The following REV1 variants were observed in gnomAD, a reference collection of about 807,000 sequenced individuals.
The protein encoded by REV1 is translesion synthesis protein REV1.
A neutral mutation model predicts 137.4 loss-of-function variants in REV1; 42 were observed. The observed-to-expected ratio is 0.31, with a 90% confidence interval of 0.24 to 0.40. The LOEUF is 0.40. Ranked by LOEUF, REV1 falls within the 10% of genes least tolerant of loss-of-function variation. REV1 has a pLI of 1.00. For synonymous variants in REV1, 524 were observed against 519.2 expected (o/e 1.01, Z -0.12); for missense variants, 1,282 against 1,490.1 (o/e 0.86, Z 2.30).
intron 1 of REV1, among the ~76,000 whole-genome samples, chr2:99,477,323 T>C (rs562611419): frequency 5.3e-4 from 80 of 152,300 alleles, no homozygotes; most frequent in African/African-American, 1.7e-3. Flanking sequence ...AGCTGTTTAC[T>C]TCTTTTTCTG....
chr2:99,402,159 C>T (rs1239532923), intron 22 of REV1, 85 bp downstream of exon 22: 3 of 629,902 alleles, frequency 4.8e-6, no homozygotes, highest in Non-Finnish European at 5.6e-6. Context: ...GTACAGTTTC[C>T]CAGAAAGTTT....
intron 5 of REV1, among the ~76,000 whole-genome samples, chr2:99,439,809 G>A (rs1183489090): frequency 1.3e-5 from 2 of 152,008 alleles, no homozygotes; most frequent in Non-Finnish European, 2.9e-5. Context: ...TCATAAAAAT[G>A]GATTTAAAAA....
chr2:99,482,075 G>C (rs200032636), intron 1 of REV1, among the ~76,000 whole-genome samples: 1 of 152,198 alleles, frequency 6.6e-6, no homozygotes, highest in Non-Finnish European at 1.5e-5. Flanking sequence ...CATGTGAATA[G>C]TGGGTTGGGC....
chr2:99,473,861 T>C (rs967177345), intron 1 of REV1, among the ~76,000 whole-genome samples: 2 of 152,244 alleles, frequency 1.3e-5, no homozygotes, highest in African/African-American at 4.8e-5. Context: ...CATCTTTTCT[T>C]GGGACATTCT....
upstream of REV1, chr2:99,490,159 G>C (rs1329241027): frequency 6.6e-6 from 1 of 150,544 alleles, no homozygotes; most frequent in Non-Finnish European, 1.5e-5. Flanking sequence ...CCCAGCCTCG[G>C]GCGTAGCACC....
intron 11 of REV1, among the ~76,000 whole-genome samples, 169 bp from the exon 12 acceptor site, chr2:99,419,116 C>G (rs1334037884): frequency 6.6e-6 from 1 of 151,822 alleles, no homozygotes; most frequent in African/African-American, 2.4e-5. Flanking sequence ...TTATAACCAA[C>G]AGAGTACCTG....
chr2:99,416,773 C>G (rs2104534240), intron 12 of REV1, among the ~76,000 whole-genome samples: 1 of 151,682 alleles, frequency 6.6e-6, no homozygotes, highest in Non-Finnish European at 1.5e-5. Flanking sequence ...AATTAGCCGG[C>G]TGTGTGGTGG....
intron 12 of REV1, among the ~76,000 whole-genome samples, chr2:99,416,932 AAG>A (rs1677963351): frequency 1.4e-5 from 2 of 146,744 alleles, no homozygotes; most frequent in African/African-American, 2.5e-5. Context: ...AAAAAAAAAA[AAG>A]AAATAAAGTC....
At chr2:99,420,340 A>G (rs1678494225) in intron 11 of REV1, among the ~76,000 whole-genome samples, 1 of 152,156 alleles carries the variant, frequency 6.6e-6, no homozygotes, top group African/African-American at 2.4e-5. Flanking sequence ...CTGGAAGCAC[A>G]CTTGTCATAT....
intron 4 of REV1, among the ~76,000 whole-genome samples, chr2:99,445,775 T>G (rs977289677): frequency 4.6e-5 from 7 of 152,198 alleles, no homozygotes; most frequent in African/African-American, 1.4e-4. Context: ...CATGAAAGGA[T>G]TCCCTTGCCT....
intron 1 of REV1, among the ~76,000 whole-genome samples, chr2:99,478,361 A>G (rs1308108084): frequency 1.3e-5 from 2 of 152,210 alleles, no homozygotes; most frequent in Non-Finnish European, 2.9e-5. Flanking sequence ...ACATGGCCCA[A>G]TTGCATTTAT....
At chr2:99,410,407 G>A (rs1030895923) in intron 14 of REV1, among the ~76,000 whole-genome samples, 1 of 152,152 alleles carries the variant, frequency 6.6e-6, no homozygotes, top group East Asian at 1.9e-4. Context: ...CTGCAGCCTT[G>A]CCCTTTCTTT....
intron 4 of REV1, among the ~76,000 whole-genome samples, chr2:99,448,355 C>T (rs1421729339): frequency 6.6e-6 from 1 of 152,052 alleles, no homozygotes; most frequent in Non-Finnish European, 1.5e-5. Flanking sequence ...GTATTACATA[C>T]CTCATGTCAT....
chr2:99,441,202 A>C (rs377331291), intron 5 of REV1, among the ~76,000 whole-genome samples: 143 of 152,340 alleles, frequency 9.4e-4, no homozygotes, highest in African/African-American at 3.3e-3. Flanking sequence ...AGCTACAGGT[A>C]ACATGAAAAA....
chr2:99,403,014 G>A lies in REV1; in HGVS notation c.3259C>T (p.Gln1087Ter). 6.2e-7 allele frequency: 1 copy of A among 1,614,140 alleles called. No individual in the cohort carries two copies. Among genetic ancestry groups the A allele is most frequent in the Non-Finnish European group, 8.5e-7 (1 of 1,179,990 alleles). ...AGCAGCTTGTTATTCAAAGGACTCT[G>A]AATCCTTTTTGGTGAACCAATGGTT... ...KKTIGSPKRIQSPLNNKLLNS... is the reference protein window; with the variant it reads ...KKTIGSPKRI The change falls in exon 20 of 23, where the codon CAG (glutamine) becomes TAG (stop). Residue 1087 changes from glutamine (Q) to a stop codon, truncating the protein, a stop_gained. Coordinates refer to ENST00000258428, the MANE Select transcript of REV1 (RefSeq NM_016316.4). LOFTEE classifies it high-confidence loss of function.
chr2:99,456,955 T>C (rs1008717724), intron 3 of REV1, among the ~76,000 whole-genome samples: 6 of 152,186 alleles, frequency 3.9e-5, no homozygotes, highest in African/African-American at 1.4e-4. Flanking sequence ...AGGTTGAAAA[T>C]GTAGGTCAGA....
intron 3 of REV1, among the ~76,000 whole-genome samples, chr2:99,452,751 C>T (rs929572894): frequency 6.6e-6 from 1 of 152,190 alleles, no homozygotes; most frequent in Non-Finnish European, 1.5e-5. Flanking sequence ...CAGACTCCTG[C>T]CTAGAATCCA....
rs28382972 is a variant in REV1, at chr2:99,402,928, C to A, written c.3345G>T (p.Gly1115=). ...CAGGAGGTCCTTCATGTTTTAGAAA[C>A]CCATCAATTAACTTCTGGGGACTGC... ...ACGSPQKLID[G]FLKHEGPPAE... Residue 1115 remains glycine, a synonymous_variant, in exon 20 of 23, where the codon GGG becomes GGT. Coordinates refer to ENST00000258428, the MANE Select transcript of REV1 (RefSeq NM_016316.4). The A allele has an allele frequency of 5.9e-4, 959 of 1,614,134 alleles. 5 individuals are homozygous for A. The African/African-American group carries it at 0.011, about 19-fold the overall frequency.
rs1460681641 is a variant in REV1 at position 99,438,774 on chromosome 2, T to C, written c.1040A>G (p.Asn347Ser). The C allele has an allele frequency of 5.6e-6, 9 of 1,614,132 alleles. No homozygotes were observed. Among genetic ancestry groups the C allele is most frequent in the East Asian group, 2.2e-5 (1 of 44,908 alleles). Residue 347 changes from asparagine to serine, a missense_variant, in exon 6 of 23, where the codon AAT becomes AGT. Physicochemically the swap from Asn to Ser is conservative, Grantham distance 46 (BLOSUM62 1). Around this residue, in one of 7 missense-constraint regions of REV1, gnomAD observed 432 missense variants for 438.0 expected, o/e 0.99. Coordinates refer to ENST00000258428, the MANE Select transcript of REV1 (RefSeq NM_016316.4). ...ATGAGAATAGAAGTTTGAAATAAAA[T>C]TGCAGTCTGAAGGTTTGGATGGCAC... Reference protein sequence around the residue: ...PSVPSKPSDCNFISNFYSHSR... With the variant: ...PSVPSKPSDCSFISNFYSHSR...
Sources: allele counts gnomAD v4.1 joint callset (sites outside exome capture counted in the v4.1 genomes callset), GRCh38; gene constraint gnomAD v4.1.1; regional missense constraint gnomAD v4.1.1; transcripts MANE v1.5; gene names NCBI Gene and HGNC (gene_info 2026-07-23, HGNC 2026-07-21).